ADK: variants seen among roughly 807,000 people sequenced by gnomAD.
ADK encodes adenosine kinase, also known as N6,N6-dimethyladenosine kinase.
In ADK, 24 loss-of-function variants were observed where a neutral mutation model predicts 44.7. The ratio of observed to expected loss-of-function variants is 0.54; its 90% CI spans 0.39 to 0.76. The LOEUF (loss-of-function observed/expected upper bound fraction) is 0.76. Among genes scored for constraint, ADK ranks in the 30% least tolerant of loss-of-function variants. ADK has a pLI of 0.00. For synonymous variants in ADK, 128 were observed against 142.6 expected, an observed-to-expected ratio of 0.90 and a Z score of 0.73; for missense variants, 321 against 425.1, an observed-to-expected ratio of 0.76 and a Z score of 2.15.
chr10:74,565,618 T>C (rs1850635199), intron 7 of ADK, among the ~76,000 whole-genome samples: 1 of 146,160 alleles, frequency 6.8e-6, no homozygotes, highest in South Asian at 2.2e-4. Context: ...TCCCAGCTAC[T>C]GGGGAGGCTG....
intron 1 of ADK, among the ~76,000 whole-genome samples, chr10:74,198,194 C>A (rs1320769454): frequency 1.3e-5 from 2 of 152,102 alleles, no homozygotes; most frequent in African/African-American, 2.4e-5. Flanking sequence ...AGAGTAGTCC[C>A]AGTGAAATCA....
intron 10 of ADK, among the ~76,000 whole-genome samples, chr10:74,682,876 G>A (rs1298848544): frequency 6.6e-6 from 1 of 152,054 alleles, no homozygotes; most frequent in East Asian, 1.9e-4. Context: ...TCCCAGCCTG[G>A]TTTTCATTAT....
chr10:74,292,102 T>C (rs550608068), intron 3 of ADK, among the ~76,000 whole-genome samples: 20 of 152,292 alleles, frequency 1.3e-4, no homozygotes, highest in African/African-American at 4.8e-4. Flanking sequence ...TCTCTCCCTC[T>C]CTACTTACCT....
rs528752278 is a variant in ADK at position 74,423,778 on chromosome 10, A to C, written c.555+25199A>C. 1.8e-3 allele frequency: 647 copies of C among 366,734 alleles called. 11 individuals are homozygous for C. In the Middle Eastern group the frequency reaches 0.027, roughly 15 times the overall value. 22.7% of individuals were successfully genotyped at this position (366,734 alleles called of 1,614,324 possible). A position where few individuals can be genotyped will look rare whatever the true frequency, so the allele number is the denominator to read the frequency against. On this transcript the variant is annotated intron_variant, in intron 6 of 10. Transcript: ENST00000539909. Reference sequence around the variant, plus strand: ...ATCTTTTTTGGTGATTTCATAGTACATGGGGGCTGGGCTATGATACCGCTC... The same window carrying C: ...ATCTTTTTTGGTGATTTCATAGTACCTGGGGGCTGGGCTATGATACCGCTC...
chr10:74,693,759 TAA>T (rs760168455), intron 10 of ADK, among the ~76,000 whole-genome samples: 5 of 152,214 alleles, frequency 3.3e-5, no homozygotes, highest in Non-Finnish European at 5.9e-5. Flanking sequence ...TCCCTAAGCC[TAA>T]GAGTAAAATA....
At chr10:74,511,912 G>A (rs1848346340) in intron 6 of ADK, among the ~76,000 whole-genome samples, 1 of 152,090 alleles carries the variant, frequency 6.6e-6, no homozygotes, top group South Asian at 2.1e-4. Flanking sequence ...GTTTCAGTAA[G>A]ATGCTAGCTG....
chr10:74,162,178 A>C (rs1479223555), intron 1 of ADK, among the ~76,000 whole-genome samples: 1 of 151,422 alleles, frequency 6.6e-6, no homozygotes, highest in African/African-American at 2.4e-5. Context: ...CCGCCACCAC[A>C]CCTGGCTAAA....
intron 6 of ADK, among the ~76,000 whole-genome samples, chr10:74,468,276 T>G (rs758159067): frequency 2.6e-5 from 4 of 152,182 alleles, no homozygotes; most frequent in Non-Finnish European, 5.9e-5. Context: ...CCATTAGGGA[T>G]TGTTTTTGAT....
At chr10:74,295,204 G>A (rs1323348538) in intron 3 of ADK, among the ~76,000 whole-genome samples, 3 of 150,956 alleles carry the variant, frequency 2.0e-5, no homozygotes, top group Admixed American at 6.6e-5. Context: ...GCTCACACCC[G>A]TAATCCCAGC....
intron 3 of ADK, among the ~76,000 whole-genome samples, chr10:74,290,090 A>ACACG (rs1847351263): frequency 6.6e-6 from 1 of 151,890 alleles, no homozygotes; most frequent in Non-Finnish European, 1.5e-5. Context: ...ACACACACAC[A>ACACG]CACACACACA....
intron 2 of ADK, among the ~76,000 whole-genome samples, chr10:74,204,205 T>A (rs1381275563): frequency 1.3e-5 from 2 of 152,180 alleles, no homozygotes; most frequent in Admixed American, 6.5e-5. Flanking sequence ...TCCACCCGTC[T>A]TGGCCTCCCA....
chr10:74,520,966 A>G (rs1268715901), intron 6 of ADK, among the ~76,000 whole-genome samples: 1 of 152,136 alleles, frequency 6.6e-6, no homozygotes, highest in African/African-American at 2.4e-5. Flanking sequence ...TGAAATCCCT[A>G]ATTAGTAAAG....
chr10:74,383,711 G>A (rs1160608605), intron 4 of ADK, among the ~76,000 whole-genome samples: 1 of 151,902 alleles, frequency 6.6e-6, no homozygotes, highest in Non-Finnish European at 1.5e-5. Context: ...AAAGGCAATA[G>A]GACAAAAAGG....
In ADK at chr10:74,356,016, T is replaced by TG. The variant is rs1564672720; in HGVS notation, c.274-38125_274-38124insG. 4.5e-4 allele frequency among the ~76,000 whole-genome samples: 60 copies of TG among 133,780 alleles called. 2 individuals are homozygous for TG. In the East Asian group the frequency reaches 7.7e-3, roughly 17 times the overall value. 87.8% of individuals were successfully genotyped at this position (133,780 alleles called of 152,430 possible). On this transcript the variant is annotated intron_variant, in intron 4 of 10. Transcript: ENST00000539909. Reference sequence around the variant, plus strand: ...CTAAATAATTCATTTTTTTTTTTTTTTTTTTTTTTTTTTGAGACGGAGTCT... The same window carrying TG: ...CTAAATAATTCATTTTTTTTTTTTTTGTTTTTTTTTTTTTGAGACGGAGTCT...
intron 6 of ADK, among the ~76,000 whole-genome samples, chr10:74,405,101 C>T (rs1843868249): frequency 6.6e-6 from 1 of 152,094 alleles, no homozygotes. Flanking sequence ...ACCTCCTTTG[C>T]TGTGCCTTCC....
intron 4 of ADK, among the ~76,000 whole-genome samples, chr10:74,373,669 TG>T (rs1842737331): frequency 1.3e-5 from 2 of 152,180 alleles, no homozygotes; most frequent in Non-Finnish European, 2.9e-5. Context: ...GACAGAGTTT[TG>T]GCAAGGATTT....
At chr10:74,603,366 T>G (rs961848075) in intron 9 of ADK, among the ~76,000 whole-genome samples, 4 of 152,070 alleles carry the variant, frequency 2.6e-5, no homozygotes, top group Non-Finnish European at 5.9e-5. Flanking sequence ...TATCAACCCA[T>G]CATCTACATT....
intron 10 of ADK, among the ~76,000 whole-genome samples, chr10:74,687,821 CT>C (rs978995324): frequency 1.3e-5 from 2 of 152,192 alleles, no homozygotes; most frequent in Non-Finnish European, 2.9e-5. Flanking sequence ...ATGACTTTAG[CT>C]TAGGCCTGTT....
In ADK at chr10:74,247,340, G is replaced by A. The variant is rs150459567; in HGVS notation, c.194+22749G>A. Among the ~76,000 whole-genome samples, 232 of 144,704 alleles carry A rather than the reference G, an allele frequency of 1.6e-3. 1 individual carries two copies. Among genetic ancestry groups the A allele is most frequent in the African/African-American group, 5.6e-3 (220 of 39,574 alleles). The allele number at this position is 144,704 out of a possible 152,430, so 94.9% of individuals were successfully genotyped here. A position where few individuals can be genotyped will look rare whatever the true frequency, so the allele number is the denominator to read the frequency against. On this transcript the variant is annotated intron_variant, in intron 3 of 10. Coordinates refer to ENST00000539909, the MANE Select transcript of ADK (RefSeq NM_006721.4). ...TGCAGCCTTCACTGCCTGGGCTCAA[G>A]TGATCCTCCCACCTCAGCCTCCTGA...
Sources: allele counts gnomAD v4.1 joint callset (sites outside exome capture counted in the v4.1 genomes callset), GRCh38; gene constraint gnomAD v4.1.1; transcripts MANE v1.5; gene names NCBI Gene and HGNC (gene_info 2026-07-23, HGNC 2026-07-21).